HPSE2: variants seen among roughly 807,000 people sequenced by gnomAD.
HPSE2 encodes the protein inactive heparanase-2.
HPSE2 carries 38 observed loss-of-function variants against 60.5 expected under a neutral mutation model. The observed-to-expected ratio is 0.63, with a 90% CI of 0.48 to 0.82. HPSE2 has a LOEUF of 0.82. Among genes scored for constraint, HPSE2 ranks in the 40% least tolerant of loss-of-function variants. The pLI is 0.00. For synonymous variants in HPSE2, 295 were observed against 293.2 expected, an observed-to-expected ratio of 1.01 and a Z score of -0.06; for missense variants, 713 against 740.4, an observed-to-expected ratio of 0.96 and a Z score of 0.43.
At chr10:98,637,395 C>T (rs574374625) in intron 7 of HPSE2, among the ~76,000 whole-genome samples, 34 of 152,262 alleles carry the variant, frequency 2.2e-4, no homozygotes, top group African/African-American at 7.9e-4. Flanking sequence ...TCTCTAGTCA[C>T]AGAAATTATT....
chr10:98,835,442 G>T (rs1951769628), intron 3 of HPSE2, among the ~76,000 whole-genome samples: 1 of 152,104 alleles, frequency 6.6e-6, no homozygotes, highest in Non-Finnish European at 1.5e-5. Context: ...AATATTTAAA[G>T]ATACAAGAAA....
At chr10:98,620,527 T>A (rs1946044427) in intron 8 of HPSE2, 75 bp downstream of exon 8, 1 of 1,064,750 alleles carries the variant, frequency 9.4e-7, no homozygotes, top group Non-Finnish European at 1.5e-6. Flanking sequence ...ATGGGCAGAA[T>A]AATCAGCAAC....
intron 9 of HPSE2, among the ~76,000 whole-genome samples, chr10:98,524,381 T>A (rs552898242): frequency 2.6e-5 from 4 of 152,106 alleles, no homozygotes; most frequent in Non-Finnish European, 2.9e-5. Context: ...GCAAGATAAG[T>A]ATGTGTAAGT....
At chr10:99,028,061 A>C (rs1957417904) in intron 3 of HPSE2, among the ~76,000 whole-genome samples, 1 of 152,194 alleles carries the variant, frequency 6.6e-6, no homozygotes, top group Non-Finnish European at 1.5e-5. Flanking sequence ...ACAAGAAAAG[A>C]CTGAAAGCCT....
the HPSE2 span, among the ~76,000 whole-genome samples, chr10:99,292,636 T>C: frequency 2.0e-5 from 3 of 152,228 alleles, no homozygotes; most frequent in African/African-American, 7.2e-5. Context: ...TTTAAAAGGT[T>C]AAATAAATGG....
At chr10:98,987,564 C>A (rs546703284) in intron 3 of HPSE2, among the ~76,000 whole-genome samples, 3 of 152,060 alleles carry the variant, frequency 2.0e-5, no homozygotes, top group Non-Finnish European at 4.4e-5. Context: ...ACTGGAAGCA[C>A]TCCCTTTGAA....
chr10:99,196,564 C>T (rs1312851178), intron 2 of HPSE2, among the ~76,000 whole-genome samples: 5 of 152,234 alleles, frequency 3.3e-5, no homozygotes, highest in Admixed American at 3.3e-4. Flanking sequence ...TTTCAACAGA[C>T]ATTTCTCAAA....
chr10:98,586,430 A>T (rs1944943138), intron 9 of HPSE2, among the ~76,000 whole-genome samples: 1 of 152,112 alleles, frequency 6.6e-6, no homozygotes, highest in Admixed American at 6.5e-5. Context: ...CACCTTCTAC[A>T]TCCATTTCCA....
At chr10:98,763,778 G>T (rs1333027771) in intron 3 of HPSE2, among the ~76,000 whole-genome samples, 2 of 146,110 alleles carry the variant, frequency 1.4e-5, no homozygotes, top group Non-Finnish European at 3.0e-5. Context: ...GACATTTTCA[G>T]ATGAAAAAAA....
intron 2 of HPSE2, among the ~76,000 whole-genome samples, chr10:99,145,367 G>C (rs1232844870): frequency 9.1e-6 from 1 of 109,534 alleles, no homozygotes; most frequent in Non-Finnish European, 2.3e-5. Context: ...TGAGGCAGGA[G>C]AATCACTTGA....
intron 3 of HPSE2, among the ~76,000 whole-genome samples, chr10:99,026,209 T>C (rs1041716724): frequency 6.6e-4 from 101 of 152,122 alleles, no homozygotes; most frequent in African/African-American, 2.4e-3. Context: ...ATAAGAACCA[T>C]TGATCTGCTG....
intron 2 of HPSE2, among the ~76,000 whole-genome samples, chr10:99,176,647 T>C (rs558038566): frequency 2.0e-5 from 3 of 152,248 alleles, no homozygotes; most frequent in East Asian, 1.9e-4. Context: ...CTAAGTTTGA[T>C]TGGTGTACCT....
Position 99,229,944 on chromosome 10 carries a change from T to C in HPSE2, c.448+2404A>G, listed in dbSNP as rs537809302. Among the ~76,000 whole-genome samples the C allele has an allele frequency of 8.5e-5, 13 of 152,288 alleles. No individual in the cohort carries two copies. In the East Asian group the frequency reaches 2.5e-3, roughly 29 times the overall value. ...AATTGCTGAGACTATACCAAGAACA[T>C]TTTGCCTTGAATTCTGCAATGCAAC... On this transcript the variant is annotated intron_variant, in intron 2 of 11. Transcript: ENST00000370552.
chr10:98,849,986 C>T (rs1952130434), intron 3 of HPSE2, among the ~76,000 whole-genome samples: 1 of 152,184 alleles, frequency 6.6e-6, no homozygotes. Context: ...TCAGGTGATC[C>T]AGCTGCCTCA....
At chr10:98,654,920 T>G (rs763615694) in intron 6 of HPSE2, among the ~76,000 whole-genome samples, 2 of 152,222 alleles carry the variant, frequency 1.3e-5, no homozygotes, top group Admixed American at 1.3e-4. Context: ...TCCTTGTTTA[T>G]GCCTCTTTTC....
Position 98,467,609 on chromosome 10 carries a change from G to T in HPSE2, c.1614-7870C>A, listed in dbSNP as rs2133595979. On this transcript the variant is annotated intron_variant, in intron 11 of 11. Coordinates refer to ENST00000370552, the MANE Select transcript of HPSE2 (RefSeq NM_021828.5). ...CTTTCCTCCAGTGTGCTTTCCTAGG[G>T]GCCACTAGAGGTCACTCTTGTCCTA... Among the ~76,000 whole-genome samples, 4 of 152,146 alleles carry T rather than the reference G, an allele frequency of 2.6e-5. No individual in the cohort carries two copies. The South Asian group carries it at 8.3e-4, about 32-fold the overall frequency.
intron 3 of HPSE2, among the ~76,000 whole-genome samples, chr10:99,092,040 A>C (rs1160318898): frequency 6.6e-6 from 1 of 152,178 alleles, no homozygotes; most frequent in Non-Finnish European, 1.5e-5. Context: ...ACTTGCTGGG[A>C]AAGTGGGGAG....
chr10:98,954,792 C>T (rs1340145129), intron 3 of HPSE2, among the ~76,000 whole-genome samples: 1 of 151,786 alleles, frequency 6.6e-6, no homozygotes, highest in African/African-American at 2.4e-5. Context: ...CATTTTCCAC[C>T]TTGTTTCGTT....
At chr10:98,487,734 T>C (rs1362530510) in intron 10 of HPSE2, among the ~76,000 whole-genome samples, 4 of 152,332 alleles carry the variant, frequency 2.6e-5, no homozygotes, top group African/African-American at 7.2e-5. Context: ...TTCGTCAAGG[T>C]TGAATAGTGT....
Sources: gnomAD v4.1 joint callset for allele counts (sites outside exome capture counted in the v4.1 genomes callset) on GRCh38, gnomAD v4.1.1 for gene constraint, MANE v1.5 for transcripts, NCBI Gene and HGNC (gene_info 2026-07-23, HGNC 2026-07-21) for gene names.